Variants in SEM1 observed in about 807,000 individuals in gnomAD.
SEM1 encodes the protein SEM1 26S proteasome subunit.
A neutral mutation model predicts 12.7 loss-of-function variants in SEM1; 3 were observed. The observed-to-expected ratio is 0.24, with a 90% CI of 0.11 to 0.61. The LOEUF (loss-of-function observed/expected upper bound fraction) is 0.61. Among genes scored for constraint, SEM1 ranks in the 20% least tolerant of loss-of-function variants. The pLI, the probability that SEM1 is intolerant of heterozygous loss-of-function variation, is 0.88. For missense variants in SEM1, 59 were observed against 81.3 expected, an observed-to-expected ratio of 0.73 and a Z score of 1.06; for synonymous variants, 30 against 27.8, an observed-to-expected ratio of 1.08 and a Z score of -0.25.
At chr7:96,693,096 T>TA (rs888504235) in intron 2 of SEM1, among the ~76,000 whole-genome samples, 13 of 150,718 alleles carry the variant, frequency 8.6e-5, no homozygotes, top group East Asian at 3.9e-4. Context: ...ATAGAGCCAA[T>TA]AAAAAAAAAT....
downstream of SEM1, chr7:96,673,453 T>C: frequency 3.3e-6 from 1 of 298,604 alleles, no homozygotes; most frequent in Non-Finnish European, 6.5e-6. Context: ...CACTGAACAC[T>C]GGTGACTGAA....
At chr7:96,551,848 C>T (rs1013648828) in intron 2 of SEM1, among the ~76,000 whole-genome samples, 1 of 152,128 alleles carries the variant, frequency 6.6e-6, no homozygotes, top group Admixed American at 6.6e-5. Context: ...AGAAGCATGA[C>T]ATGGATTCTC....
chr7:96,502,625 A>G (rs893721842), intron 3 of SEM1, among the ~76,000 whole-genome samples: 8 of 152,316 alleles, frequency 5.3e-5, no homozygotes, highest in Admixed American at 1.3e-4. Context: ...AACACAAGCT[A>G]CTATTATTTG....
chr7:96,597,573 A>G (rs1321159823), intron 2 of SEM1, among the ~76,000 whole-genome samples: 1 of 152,038 alleles, frequency 6.6e-6, no homozygotes, highest in Non-Finnish European at 1.5e-5. Context: ...TTCTTCCCAT[A>G]GATTCATCAG....
chr7:96,584,916 T>C (rs1454681023), intron 2 of SEM1, among the ~76,000 whole-genome samples: 1 of 151,284 alleles, frequency 6.6e-6, no homozygotes, highest in African/African-American at 2.4e-5. Flanking sequence ...GGTTTGAATG[T>C]CCTCCTGTAG....
At chr7:96,553,922 G>A (rs1805385627) in intron 2 of SEM1, among the ~76,000 whole-genome samples, 1 of 152,078 alleles carries the variant, frequency 6.6e-6, no homozygotes, top group Admixed American at 6.5e-5. Flanking sequence ...TCCCTTGTAA[G>A]TTGGATTCCT....
At position 96,644,824 on chromosome 7, in the gene SEM1, A is replaced by G. The variant is rs552637892; in HGVS notation, c.171-22181T>C. Among the ~76,000 whole-genome samples, 35 of 152,282 alleles carry G rather than the reference A, an allele frequency of 2.3e-4. No individual in the cohort carries two copies. In the South Asian group the frequency reaches 6.2e-3, roughly 27 times the overall value. On this transcript the variant is annotated intron_variant, in intron 2 of 2. Coordinates refer to the SEM1 transcript ENST00000417009. The stretch of plus-strand genomic sequence containing the variant: ...TCCTCTGTGTGTAATAGATAAGAAG[A>G]TCGATTAACTTGTGTGAGTATTCTG...
intron 2 of SEM1, among the ~76,000 whole-genome samples, chr7:96,512,990 T>G (rs1803979231): frequency 6.6e-6 from 1 of 152,158 alleles, no homozygotes; most frequent in Admixed American, 6.6e-5. Context: ...CCCTCCCATA[T>G]ACTGAAGTCC....
chr7:96,645,406 C>A (rs546491153), intron 2 of SEM1: 1 of 186,742 alleles, frequency 5.4e-6, no homozygotes, highest in East Asian at 1.3e-4. Flanking sequence ...AAACCCCAGA[C>A]AAAGTAGGTC....
At chr7:96,692,023 A>C (rs1292419981) in intron 2 of SEM1, among the ~76,000 whole-genome samples, 1 of 152,200 alleles carries the variant, frequency 6.6e-6, no homozygotes, top group East Asian at 1.9e-4. Context: ...ACAGTGAAAA[A>C]ACAACAAAAA....
Position 96,650,351 on chromosome 7 carries a change from G to A in SEM1, c.171-27708C>T. The A allele has an allele frequency of 7.2e-6, 4 of 552,970 alleles. No individual in the cohort carries two copies. In the South Asian group the frequency reaches 7.3e-5, roughly 10 times the overall value. The allele number at this position is 552,970 out of a possible 1,614,324, so 34.3% of individuals were successfully genotyped here. On this transcript the variant is annotated intron_variant, in intron 2 of 2. Coordinates refer to the SEM1 transcript ENST00000417009. The stretch of plus-strand genomic sequence containing the variant: ...TCCTCTTTGTCTTGTGAGTTGATGA[G>A]AAGACAGGATTTCATCTCTGAAAGG...
chr7:96,542,775 A>G (rs561519328), intron 2 of SEM1, among the ~76,000 whole-genome samples: 2 of 151,952 alleles, frequency 1.3e-5, no homozygotes, highest in Non-Finnish European at 1.5e-5. Context: ...ATTGCCACAA[A>G]TTTTGGGGGA....
intron 1 of SEM1, among the ~76,000 whole-genome samples, chr7:96,493,034 C>T (rs369188879): frequency 1.3e-5 from 2 of 152,070 alleles, no homozygotes; most frequent in South Asian, 2.1e-4. Flanking sequence ...AGTGCAGTAA[C>T]GCAATCTCGG....
chr7:96,639,421 T>C (rs1242167962), intron 2 of SEM1, among the ~76,000 whole-genome samples: 3 of 151,782 alleles, frequency 2.0e-5, no homozygotes, highest in Non-Finnish European at 4.4e-5. Context: ...TACCCAGAAA[T>C]AGACCCACAA....
chr7:96,497,258 C>A (rs1315615442), upstream of SEM1, among the ~76,000 whole-genome samples: 2 of 151,852 alleles, frequency 1.3e-5, no homozygotes, highest in East Asian at 3.9e-4. Context: ...CAAAAAAAAT[C>A]AAATTTTTTT....
chr7:96,699,977 G>A, intron 1 of SEM1, among the ~76,000 whole-genome samples: 1 of 152,094 alleles, frequency 6.6e-6, no homozygotes, highest in East Asian at 1.9e-4. Context: ...AGTCAAATTT[G>A]CTTCAAGACA....
At chr7:96,654,256 G>T (rs565994709) in intron 2 of SEM1, among the ~76,000 whole-genome samples, 21 of 152,266 alleles carry the variant, frequency 1.4e-4, no homozygotes, top group African/African-American at 4.6e-4. Context: ...TGAGAGTCCA[G>T]GCCAAGTTTC....
At chr7:96,648,566 T>C (rs1808873327) in intron 2 of SEM1, among the ~76,000 whole-genome samples, 1 of 152,132 alleles carries the variant, frequency 6.6e-6, no homozygotes, top group Non-Finnish European at 1.5e-5. Context: ...CATATAGAAA[T>C]CGCTATATAT....
chr7:96,505,870 G>A (rs1020197670), intron 3 of SEM1, among the ~76,000 whole-genome samples: 2 of 152,054 alleles, frequency 1.3e-5, no homozygotes, highest in African/African-American at 4.8e-5. Flanking sequence ...ATTCTAGGGG[G>A]ACACAAACAT....
Sources: gnomAD v4.1 joint callset for allele counts (sites outside exome capture counted in the v4.1 genomes callset) on GRCh38, gnomAD v4.1.1 for gene constraint, MANE v1.5 for transcripts, NCBI Gene and HGNC (gene_info 2026-07-23, HGNC 2026-07-21) for gene names.